The following GALNTL6 variants were observed in gnomAD, a reference collection of about 807,000 sequenced individuals.
The protein encoded by GALNTL6 is polypeptide N-acetylgalactosaminyltransferase-like 6.
Under a neutral mutation model 73.7 loss-of-function variants are expected in GALNTL6, and 46 were observed. That is an observed-to-expected ratio of 0.62 (90% CI 0.49 to 0.80). GALNTL6 has a LOEUF of 0.80. GALNTL6 is among the 30% of genes least tolerant of loss of function. The pLI is 0.00. For missense variants in GALNTL6, 604 were observed against 755.0 expected (o/e 0.80, Z 2.34); for synonymous variants, 259 against 263.7 (o/e 0.98, Z 0.17).
chr4:172,154,899 T>C (rs561693871), intron 2 of GALNTL6, among the ~76,000 whole-genome samples: 2 of 152,216 alleles, frequency 1.3e-5, no homozygotes, highest in Non-Finnish European at 2.9e-5. Flanking sequence ...TATGTGCCCC[T>C]AAAATTAATA....
At chr4:172,031,935 A>T (rs1404392247) in intron 2 of GALNTL6, among the ~76,000 whole-genome samples, 1 of 152,040 alleles carries the variant, frequency 6.6e-6, no homozygotes, top group African/African-American at 2.4e-5. Context: ...GAACTAAATC[A>T]TTTAAGGTTA....
chr4:171,870,065 T>C (rs1168974555), intron 2 of GALNTL6, among the ~76,000 whole-genome samples: 1 of 152,192 alleles, frequency 6.6e-6, no homozygotes, highest in East Asian at 1.9e-4. Context: ...ATGTTTTATT[T>C]ACTTCATTTT....
intron 11 of GALNTL6, among the ~76,000 whole-genome samples, chr4:173,012,077 T>C (rs1561085808): frequency 6.6e-6 from 1 of 152,182 alleles, no homozygotes; most frequent in Non-Finnish European, 1.5e-5. Context: ...CTAACCCTTT[T>C]CACTGTTTTA....
chr4:172,371,545 A>G (rs1389013306), intron 5 of GALNTL6, among the ~76,000 whole-genome samples: 1 of 150,396 alleles, frequency 6.6e-6, no homozygotes, highest in Non-Finnish European at 1.5e-5. Flanking sequence ...TTTCTCTTTG[A>G]CTTCTTTGTC....
At chr4:172,311,067 G>A (rs1229194599) in intron 3 of GALNTL6, among the ~76,000 whole-genome samples, 1 of 152,052 alleles carries the variant, frequency 6.6e-6, no homozygotes, top group East Asian at 1.9e-4. Context: ...AAAATTTACA[G>A]TGTGTCTCAG....
chr4:172,991,582 T>A (rs1751548318), intron 10 of GALNTL6, among the ~76,000 whole-genome samples: 1 of 151,970 alleles, frequency 6.6e-6, no homozygotes, highest in Admixed American at 6.6e-5. Context: ...GTGTTGTTTT[T>A]TTTTTAGTAG....
intron 10 of GALNTL6, among the ~76,000 whole-genome samples, chr4:172,962,096 G>A (rs968147635): frequency 3.3e-5 from 5 of 152,176 alleles, no homozygotes; most frequent in African/African-American, 1.2e-4. Flanking sequence ...GCTGGCAAGG[G>A]TGGGGGTCAC....
At chr4:171,942,314 A>G (rs1738576409) in intron 2 of GALNTL6, among the ~76,000 whole-genome samples, 1 of 151,822 alleles carries the variant, frequency 6.6e-6, no homozygotes, top group Non-Finnish European at 1.5e-5. Flanking sequence ...GGGAGGAGGT[A>G]TGCTACATGC....
At chr4:171,891,519 G>T (rs1736762461) in intron 2 of GALNTL6, among the ~76,000 whole-genome samples, 1 of 152,164 alleles carries the variant, frequency 6.6e-6, no homozygotes, top group Non-Finnish European at 1.5e-5. Context: ...AGAAATCATT[G>T]TCTCAATGTT....
intron 5 of GALNTL6, among the ~76,000 whole-genome samples, chr4:172,659,645 C>T (rs1016819812): frequency 6.6e-6 from 1 of 152,050 alleles, no homozygotes; most frequent in Admixed American, 6.6e-5. Context: ...ATTGGATAGG[C>T]CATAGTCTGC....
intron 5 of GALNTL6, among the ~76,000 whole-genome samples, chr4:172,573,006 T>C (rs1736821209): frequency 6.6e-6 from 1 of 152,092 alleles, no homozygotes; most frequent in Admixed American, 6.6e-5. Flanking sequence ...GGGTACATGT[T>C]TTCTTCTTAC....
chr4:172,458,184 C>A (rs983030158), intron 5 of GALNTL6, among the ~76,000 whole-genome samples: 3 of 151,870 alleles, frequency 2.0e-5, no homozygotes, highest in African/African-American at 4.8e-5. Context: ...AGAACAAAGA[C>A]ATAACGTACC....
chr4:171,985,200 TA>T (rs1208404689), intron 2 of GALNTL6, among the ~76,000 whole-genome samples: 1 of 151,850 alleles, frequency 6.6e-6, no homozygotes, highest in Non-Finnish European at 1.5e-5. Context: ...GGGTATTTTA[TA>T]AAGAAAAAAA....
At chr4:172,302,066 T>C (rs545174146) in intron 3 of GALNTL6, among the ~76,000 whole-genome samples, 33 of 152,316 alleles carry the variant, frequency 2.2e-4, no homozygotes, top group African/African-American at 7.9e-4. Flanking sequence ...GGCTCAGCAA[T>C]GGCGGGCACC....
At chr4:171,870,799 G>T (rs969779806) in intron 2 of GALNTL6, among the ~76,000 whole-genome samples, 1 of 152,196 alleles carries the variant, frequency 6.6e-6, no homozygotes, top group Non-Finnish European at 1.5e-5. Flanking sequence ...CAGTTATGCA[G>T]CTATAAGCCA....
At chr4:172,671,329 G>A (rs1362276249) in intron 5 of GALNTL6, among the ~76,000 whole-genome samples, 3 of 152,064 alleles carry the variant, frequency 2.0e-5, no homozygotes, top group Non-Finnish European at 4.4e-5. Flanking sequence ...ATTTCTTTGA[G>A]TACTGTTTGG....
intron 2 of GALNTL6, among the ~76,000 whole-genome samples, chr4:172,049,548 G>C (rs1344708052): frequency 1.3e-5 from 2 of 152,198 alleles, no homozygotes; most frequent in African/African-American, 4.8e-5. Context: ...TCATAGAATT[G>C]CACATAGAAG....
intron 10 of GALNTL6, 68 bp from the exon 11 acceptor site, chr4:173,009,109 AT>A: frequency 2.0e-6 from 2 of 993,490 alleles, no homozygotes; most frequent in East Asian, 4.8e-5. Context: ...AATCTACACC[AT>A]GGTTGTTAGG....
intron 5 of GALNTL6, among the ~76,000 whole-genome samples, chr4:172,797,607 C>T (rs972529933): frequency 4.0e-5 from 6 of 151,434 alleles, no homozygotes; most frequent in Admixed American, 3.9e-4. Context: ...AATCACGCGA[C>T]CTCAGCTCAC....
Sources: gnomAD v4.1 joint callset for allele counts (sites outside exome capture counted in the v4.1 genomes callset) on GRCh38, gnomAD v4.1.1 for gene constraint, MANE v1.5 for transcripts, NCBI Gene and HGNC (gene_info 2026-07-23, HGNC 2026-07-21) for gene names.